The following MEGF11 variants were observed in gnomAD, a reference collection of about 807,000 sequenced individuals.
MEGF11 encodes the protein multiple EGF like domains 11, also known as multiple epidermal growth factor-like domains protein 11.
A neutral mutation model predicts 146.6 loss-of-function variants in MEGF11; 126 were observed. The observed-to-expected ratio is 0.86, with a 90% CI of 0.74 to 1.00. MEGF11 has a LOEUF of 1.00. Ranked by LOEUF, MEGF11 falls within the 50% of genes least tolerant of loss-of-function variation. The pLI is 0.00. For synonymous variants in MEGF11, 532 were observed against 583.4 expected, an observed-to-expected ratio of 0.91 and a Z score of 1.27; for missense variants, 1,509 against 1,521.2, an observed-to-expected ratio of 0.99 and a Z score of 0.13.
chr15:66,016,109 A>T (rs1449979830), intron 5 of MEGF11, among the ~76,000 whole-genome samples: 1 of 152,088 alleles, frequency 6.6e-6, no homozygotes, highest in Non-Finnish European at 1.5e-5. Flanking sequence ...TTTTCCTTCT[A>T]TTTAACTAAT....
At chr15:65,918,836 T>G (rs1240483936) in intron 15 of MEGF11, among the ~76,000 whole-genome samples, 1 of 152,226 alleles carries the variant, frequency 6.6e-6, no homozygotes, top group African/African-American at 2.4e-5. Context: ...GTTTGAGTAT[T>G]CATTGAGTAT....
At chr15:66,242,498 G>A (rs1406425747) in intron 1 of MEGF11, among the ~76,000 whole-genome samples, 1 of 144,732 alleles carries the variant, frequency 6.9e-6, no homozygotes, top group Non-Finnish European at 1.5e-5. Context: ...AGATAGGGAG[G>A]GAGGGAGGGA....
intron 5 of MEGF11, among the ~76,000 whole-genome samples, chr15:66,057,807 T>C (rs1741784236): frequency 6.6e-6 from 1 of 152,224 alleles, no homozygotes; most frequent in African/African-American, 2.4e-5. Context: ...TCAAAAGATC[T>C]GTTCAGGGCC....
chr15:66,085,539 G>A (rs911021029), intron 5 of MEGF11, among the ~76,000 whole-genome samples: 2 of 152,198 alleles, frequency 1.3e-5, no homozygotes, highest in Non-Finnish European at 2.9e-5. Context: ...CCGGAGCTGG[G>A]TAGACTTACC....
chr15:66,008,323 G>A (rs2082582299), intron 5 of MEGF11, among the ~76,000 whole-genome samples: 2 of 151,784 alleles, frequency 1.3e-5, no homozygotes, highest in Non-Finnish European at 2.9e-5. Flanking sequence ...AAGCACTAGG[G>A]GAAAACCATC....
At chr15:66,079,670 TC>T in intron 5 of MEGF11, among the ~76,000 whole-genome samples, 1 of 152,152 alleles carries the variant, frequency 6.6e-6, no homozygotes, top group Admixed American at 6.5e-5. Context: ...ACTCTCAGAT[TC>T]CCTAGCTCAG....
chr15:66,215,986 A>G (rs1167393090), intron 1 of MEGF11, among the ~76,000 whole-genome samples: 1 of 152,230 alleles, frequency 6.6e-6, no homozygotes. Flanking sequence ...AATTATGCAC[A>G]TAAACCCCAC....
Position 65,951,838 on chromosome 15 carries a change from A to AT in MEGF11, c.1287+5708dup, listed in dbSNP as rs908417343. Among the ~76,000 whole-genome samples the AT allele has an allele frequency of 3.4e-3, 503 of 148,570 alleles. 2 individuals are homozygous for AT. The highest frequency in any genetic ancestry group is 0.011 in the African/African-American group (453 of 40,730). ...ACATAGTGAGACTCCATCTCTACAA[A>AT]TTTTTTTTTTTTAAATAGCTGGGCA... On this transcript the variant is annotated intron_variant, in intron 10 of 25. Transcript: ENST00000395614.
intron 4 of MEGF11, among the ~76,000 whole-genome samples, chr15:66,104,353 A>G (rs1204807858): frequency 6.6e-6 from 1 of 152,226 alleles, no homozygotes; most frequent in East Asian, 1.9e-4. Context: ...GATGCAGTCT[A>G]GGAAGAAATG....
chr15:66,006,522 T>C (rs2082525446), intron 5 of MEGF11, among the ~76,000 whole-genome samples: 1 of 152,220 alleles, frequency 6.6e-6, no homozygotes, highest in African/African-American at 2.4e-5. Flanking sequence ...GCATGACTTA[T>C]ACATGGTGGG....
chr15:66,220,552 T>C (rs1247603373), intron 1 of MEGF11, among the ~76,000 whole-genome samples: 1 of 150,950 alleles, frequency 6.6e-6, no homozygotes, highest in Non-Finnish European at 1.5e-5. Context: ...TTTTGCTTTG[T>C]TTTGAGACAG....
Position 65,964,956 on chromosome 15 carries a change from C to T in MEGF11, c.1064G>A (p.Gly355Asp), listed in dbSNP as rs201219271. Residue 355 changes from glycine (G) to aspartate (D), a missense_variant, in exon 9 of 26, where the codon GGC becomes GAC. Physicochemically the swap from Gly to Asp is moderately conservative, Grantham distance 94. Transcript: ENST00000395614. ...GGGGCAGGGCAGGGTGCAGCCTGGG[C>T]CATGCAGGCCCTCCGGGCACAGTCG... ...QERLCPEGLHGPGCTLPCPCD... is the reference protein window; with the variant it reads ...QERLCPEGLHDPGCTLPCPCD... 3 of 1,573,850 alleles carry T rather than the reference C, an allele frequency of 1.9e-6. No homozygotes were observed. Among genetic ancestry groups the T allele is most frequent in the Non-Finnish European group, 1.7e-6 (2 of 1,160,248 alleles).
At chr15:65,922,747 C>A in intron 14 of MEGF11, 76 bp downstream of exon 14, 1 of 1,532,252 alleles carries the variant, frequency 6.5e-7, no homozygotes. Flanking sequence ...TCTCTCAGGC[C>A]ATGGCTAGTT....
At chr15:66,231,420 G>A (rs190233878) in intron 1 of MEGF11, among the ~76,000 whole-genome samples, 183 of 151,500 alleles carry the variant, frequency 1.2e-3, no homozygotes, top group African/African-American at 3.5e-3. Context: ...AACGGAAGTT[G>A]TCAAAGATGC....
At chr15:66,134,973 T>C (rs2088825816) in intron 1 of MEGF11, among the ~76,000 whole-genome samples, 2 of 152,268 alleles carry the variant, frequency 1.3e-5, no homozygotes, top group African/African-American at 4.8e-5. Flanking sequence ...GGAGTCCACC[T>C]GACTTGGGTT....
intron 5 of MEGF11, among the ~76,000 whole-genome samples, chr15:66,074,318 T>G (rs1258612893): frequency 4.6e-5 from 7 of 152,250 alleles, no homozygotes; most frequent in Non-Finnish European, 1.0e-4. Context: ...ATATGATATA[T>G]TTGAGATTCA....
chr15:66,200,376 G>C (rs751170502), intron 1 of MEGF11, among the ~76,000 whole-genome samples: 13 of 152,186 alleles, frequency 8.5e-5, no homozygotes, highest in African/African-American at 2.7e-4. Context: ...CCCAAAGACT[G>C]TTTTGAAATC....
intron 4 of MEGF11, among the ~76,000 whole-genome samples, chr15:66,117,653 A>G (rs2087795655): frequency 6.6e-6 from 1 of 152,102 alleles, no homozygotes; most frequent in South Asian, 2.1e-4. Flanking sequence ...AGGCTTTGTG[A>G]GTCCCGTGTC....
intron 4 of MEGF11, among the ~76,000 whole-genome samples, chr15:66,115,949 G>A (rs2087705587): frequency 6.6e-6 from 1 of 152,180 alleles, no homozygotes; most frequent in Non-Finnish European, 1.5e-5. Flanking sequence ...ACTGTGAGAC[G>A]ATAAACCGCT....
Sources: allele counts gnomAD v4.1 joint callset (sites outside exome capture counted in the v4.1 genomes callset), GRCh38; gene constraint gnomAD v4.1.1; transcripts MANE v1.5; gene names NCBI Gene and HGNC (gene_info 2026-07-23, HGNC 2026-07-21).